HDAC7: variants seen among roughly 807,000 people sequenced by gnomAD.
HDAC7 encodes histone deacetylase 7.
HDAC7 carries 26 observed loss-of-function variants against 115.5 expected under a neutral mutation model. The observed-to-expected ratio is 0.23, with a 90% CI of 0.16 to 0.31. The LOEUF (loss-of-function observed/expected upper bound fraction) is 0.31. Ranked by LOEUF, HDAC7 falls within the 10% of genes least tolerant of loss-of-function variation. HDAC7 has a pLI of 1.00. For synonymous variants in HDAC7, 564 were observed against 550.9 expected (o/e 1.02, Z -0.33); for missense variants, 1,068 against 1,329.0 (o/e 0.80, Z 3.05).
intron 1 of HDAC7, among the ~76,000 whole-genome samples, chr12:47,810,802 AGGTCTCTCTCTCTCTC>A (rs1944618455): frequency 8.3e-6 from 1 of 121,002 alleles, no homozygotes; most frequent in African/African-American, 3.1e-5. Flanking sequence ...TGGGAGGAAA[AGGTCTCTCTCTCTCTC>A]TCTCTCTCTC....
chr12:47,811,433 A>G (rs1944660440), intron 1 of HDAC7, among the ~76,000 whole-genome samples: 1 of 152,248 alleles, frequency 6.6e-6, no homozygotes, highest in Admixed American at 6.5e-5. Context: ...GAATTCCGTT[A>G]AGATGAAAAT....
chr12:47,815,461 T>C (rs1360275441), intron 1 of HDAC7, among the ~76,000 whole-genome samples: 1 of 152,200 alleles, frequency 6.6e-6, no homozygotes. Context: ...TGTGGGTCTA[T>C]TTCCTCAAAA....
chr12:47,816,526 G>C (rs1944854164), intron 1 of HDAC7, among the ~76,000 whole-genome samples: 1 of 152,102 alleles, frequency 6.6e-6, no homozygotes, highest in African/African-American at 2.4e-5. Flanking sequence ...CAGGGTCTGG[G>C]GGGAGGGGTA....
rs1943622750 is a variant in HDAC7, at chr12:47,793,262, T to G, written c.1678+107A>C. The G allele has an allele frequency of 1.2e-6, 1 of 848,622 alleles. No individual in the cohort carries two copies. The highest frequency in any genetic ancestry group is 1.7e-5 in the African/African-American group (1 of 58,418). 52.6% of individuals were successfully genotyped at this position (848,622 alleles called of 1,614,324 possible). A position where few individuals can be genotyped will look rare whatever the true frequency, so the allele number is the denominator to read the frequency against. On this transcript the variant is annotated intron_variant, in intron 13 of 25. Coordinates refer to ENST00000080059, the MANE Select transcript of HDAC7 (RefSeq NM_015401.5). The surrounding 1 kb of genome is among the most constrained non-coding windows in gnomAD (Gnocchi z 4.5). ...GGGTACTACGTGGGCCTAACAAGGC[T>G]AAGCACTCTGTGGCCTCTAAAAATG...
At chr12:47,802,633 G>A (rs752348024) in intron 1 of HDAC7, 15 of 665,120 alleles carry the variant, frequency 2.3e-5, no homozygotes, top group Admixed American at 8.8e-5. Flanking sequence ...GGCTCCCATC[G>A]CCCGAGGGAA....
intron 16 of HDAC7, chr12:47,790,183 C>T: frequency 2.1e-6 from 1 of 485,566 alleles, no homozygotes; most frequent in South Asian, 2.2e-5. Context: ...CCTCCCCGGT[C>T]AGGGGAGGGG....
Position 47,798,030 on chromosome 12 carries a change from G to A in HDAC7, c.461+78C>T. On this transcript the variant is annotated intron_variant, in intron 5 of 25. Coordinates refer to ENST00000080059, the MANE Select transcript of HDAC7 (RefSeq NM_015401.5). The surrounding 1 kb of genome is among the most constrained non-coding windows in gnomAD (Gnocchi z 4.3). ...GCAACTGGGGAGGAAGGAGGCAAGT[G>A]TGTGTGCTCATGGCTAACACGGGGG... The A allele has an allele frequency of 2.0e-6, 2 of 1,003,312 alleles. No homozygotes were observed. Among genetic ancestry groups the A allele is most frequent in the East Asian group, 2.4e-5 (1 of 42,010 alleles). The allele number at this position is 1,003,312 out of a possible 1,614,324, so 62.2% of individuals were successfully genotyped here. A position where few individuals can be genotyped will look rare whatever the true frequency, so the allele number is the denominator to read the frequency against.
rs751923320 is a variant in HDAC7 at position 47,798,152 on chromosome 12, G to A, written c.417C>T (p.Ala139=). The A allele has an allele frequency of 1.9e-6, 3 of 1,613,814 alleles. No homozygotes were observed. The highest frequency in any genetic ancestry group is 2.2e-5 in the South Asian group (2 of 91,076). ...TGTTGGGATGGACTGTTCTTTCTAG[G>A]GCCGCCTGCTGTTTTTTCAGAATCA... The part of the protein sequence containing the change: ...AEVILKKQQA[A]LERTVHPNSP... The change falls in exon 5 of 26, where the codon GCC becomes GCT. Residue 139 remains alanine (A), a synonymous_variant. Transcript: ENST00000080059. This position sits in a 1 kb window ranked among gnomAD's most constrained non-coding sequence, Gnocchi z 4.3.
rs1592654105 is a variant in HDAC7 at position 47,795,062 on chromosome 12, G to A, written c.1284+122C>T. 7.6e-7 allele frequency: 1 copy of A among 1,319,770 alleles called. No individual in the cohort carries two copies. Among genetic ancestry groups the A allele is most frequent in the Non-Finnish European group, 1.1e-6 (1 of 945,972 alleles). 81.8% of individuals were successfully genotyped at this position (1,319,770 alleles called of 1,614,324 possible). A position where few individuals can be genotyped will look rare whatever the true frequency, so the allele number is the denominator to read the frequency against. On this transcript the variant is annotated intron_variant, in intron 11 of 25. Coordinates refer to ENST00000080059, the MANE Select transcript of HDAC7 (RefSeq NM_015401.5). The surrounding 1 kb of genome is among the most constrained non-coding windows in gnomAD (Gnocchi z 4.3). ...GCTGCCATGCAGCTCTGGGCCCCAA[G>A]AAGCCACATCCCCCTCTTTTGCCCT...
intron 24 of HDAC7, chr12:47,784,496 G>C: frequency 1.7e-6 from 1 of 604,856 alleles, no homozygotes. Flanking sequence ...GGCCACCTTT[G>C]ACTCATTCCC....
intron 1 of HDAC7, among the ~76,000 whole-genome samples, chr12:47,811,003 G>GAGGA (rs1320724369): frequency 6.6e-6 from 1 of 152,152 alleles, no homozygotes; most frequent in Non-Finnish European, 1.5e-5. Flanking sequence ...ATCTGGGGCA[G>GAGGA]AGGAAGGCAG....
At chr12:47,813,530 C>G (rs1944758614) in intron 1 of HDAC7, 1 of 152,484 alleles carries the variant, frequency 6.6e-6, no homozygotes, top group South Asian at 2.1e-4. Flanking sequence ...TGGAGTTCCC[C>G]TACGGATCCC....
chr12:47,786,531 C>T, intron 22 of HDAC7, 54 bp downstream of exon 22: 1 of 1,332,230 alleles, frequency 7.5e-7, no homozygotes, highest in Non-Finnish European at 1.1e-6. Flanking sequence ...TCCCAACTCC[C>T]CGCACCGCCT....
At position 47,787,937 on chromosome 12, in the gene HDAC7, G is replaced by A. The variant is rs773871128; in HGVS notation, c.2355+108C>T. Reference sequence around the variant, plus strand: ...CCAGGTGGGGAAGTTTAGGATCAGAGAGGCTCAGCAGTCTGCCCAGGATCA... The same window carrying A: ...CCAGGTGGGGAAGTTTAGGATCAGAAAGGCTCAGCAGTCTGCCCAGGATCA... On this transcript the variant is annotated intron_variant, in intron 20 of 25. Coordinates refer to ENST00000080059, the MANE Select transcript of HDAC7 (RefSeq NM_015401.5). 8.3e-6 allele frequency: 13 copies of A among 1,565,238 alleles called. No homozygotes were observed. In the South Asian group the frequency reaches 1.5e-4, roughly 18 times the overall value.
chr12:47,793,291 C>T lies in HDAC7; in HGVS notation c.1678+78G>A, dbSNP rs1372427916. The stretch of plus-strand genomic sequence containing the variant: ...CACTCTGTGGCCTCTAAAAATGTCC[C>T]AAGTGACACCAAGACACCCACATGG... On this transcript the variant is annotated intron_variant, in intron 13 of 25. Transcript: ENST00000080059. This position sits in a 1 kb window ranked among gnomAD's most constrained non-coding sequence, Gnocchi z 4.5. 2 of 1,136,612 alleles carry T rather than the reference C, an allele frequency of 1.8e-6. No individual in the cohort carries two copies. The highest frequency in any genetic ancestry group is 5.3e-5 in the Admixed American group (2 of 37,734). The allele number at this position is 1,136,612 out of a possible 1,614,324, so 70.4% of individuals were successfully genotyped here. A position where few individuals can be genotyped will look rare whatever the true frequency, so the allele number is the denominator to read the frequency against.
intron 1 of HDAC7, among the ~76,000 whole-genome samples, chr12:47,816,531 G>A (rs1474742072): frequency 1.3e-5 from 2 of 152,120 alleles, no homozygotes; most frequent in South Asian, 2.1e-4. Flanking sequence ...TCTGGGGGGA[G>A]GGGTACACAC....
chr12:47,806,667 C>T (rs1248977404), intron 1 of HDAC7, among the ~76,000 whole-genome samples: 10 of 151,962 alleles, frequency 6.6e-5, no homozygotes, highest in Non-Finnish European at 1.5e-4. Context: ...CCAGCCTGGG[C>T]GACAGAGCAA....
rs141182137 is a variant in HDAC7, at chr12:47,797,021, G to A, written c.699C>T (p.Leu233=). 8.1e-3 allele frequency: 12,554 copies of A among 1,557,194 alleles called. 68 individuals carry two copies. Among genetic ancestry groups the A allele is most frequent in the Non-Finnish European group, 8.6e-3 (9,985 of 1,155,986 alleles). ...PSLRRRPAET[L]GDSSPSSSST... ...ACTGGCTCAGCCGGCCCTCACCTCC[G>A]AGGGTCTCTGCGGGCCGCCGCCGGA... The change falls in exon 7 of 26, where the codon CTC becomes CTT. Residue 233 remains leucine, a synonymous_variant. Coordinates refer to ENST00000080059, the MANE Select transcript of HDAC7 (RefSeq NM_015401.5). This position sits in a 1 kb window ranked among gnomAD's most constrained non-coding sequence, Gnocchi z 5.5.
intron 1 of HDAC7, among the ~76,000 whole-genome samples, chr12:47,814,975 T>C (rs1434813381): frequency 6.6e-6 from 1 of 152,274 alleles, no homozygotes; most frequent in Non-Finnish European, 1.5e-5. Context: ...CTACTTGTTC[T>C]GTTTGTCTTC....
Sources: gnomAD v4.1 joint callset for allele counts (sites outside exome capture counted in the v4.1 genomes callset) on GRCh38, gnomAD v4.1.1 for gene constraint, Gnocchi (gnomAD v3.1) non-coding constraint, MANE v1.5 for transcripts, NCBI Gene and HGNC (gene_info 2026-07-23, HGNC 2026-07-21) for gene names.